Variants in STK35 observed in about 807,000 individuals in gnomAD.
The protein encoded by STK35 is serine/threonine kinase 35.
Under a neutral mutation model 37.3 loss-of-function variants are expected in STK35, and 17 were observed. The ratio of observed to expected loss-of-function variants is 0.46; its 90% confidence interval spans 0.31 to 0.68. STK35 has a LOEUF of 0.68. Ranked by LOEUF, STK35 falls within the 30% of genes least tolerant of loss-of-function variation. The pLI is 0.05. For missense variants in STK35, 595 were observed against 746.7 expected, an observed-to-expected ratio of 0.80 and a Z score of 2.37; for synonymous variants, 385 against 319.1, an observed-to-expected ratio of 1.21 and a Z score of -2.20.
chr20:2,111,001 T>C (rs1253505191), intron 2 of STK35, among the ~76,000 whole-genome samples: 1 of 152,256 alleles, frequency 6.6e-6, no homozygotes, highest in African/African-American at 2.4e-5. Flanking sequence ...TCTGAATAGA[T>C]AGCAGTTTCG....
intron 3 of STK35, among the ~76,000 whole-genome samples, chr20:2,125,210 A>G (rs1985884189): frequency 6.6e-6 from 1 of 151,898 alleles, no homozygotes; most frequent in Non-Finnish European, 1.5e-5. Context: ...GGTGCTTCCA[A>G]CTCCCATTTC....
chr20:2,120,153 C>T (rs1323965879), intron 3 of STK35, among the ~76,000 whole-genome samples: 1 of 152,184 alleles, frequency 6.6e-6, no homozygotes, highest in Admixed American at 6.5e-5. Context: ...CAGATTTGCT[C>T]TGGCATAGGA....
rs1985399412 is a variant in STK35 at position 2,102,058 on chromosome 20, G to C, written c.177G>C (p.Arg59=). ...AAEGSATRRA[R]AATSRAARSR... The stretch of plus-strand genomic sequence containing the variant: ...AAGGATCCGCTACACGCCGGGCTCG[G>C]GCCGCCACCTCCCGCGCTGCTCGGT... Residue 59 remains arginine (R), a synonymous_variant, in exon 1 of 4, where the codon CGG becomes CGC. Coordinates refer to ENST00000381482, the MANE Select transcript of STK35 (RefSeq NM_080836.4). The C allele has an allele frequency of 1.1e-5, 17 of 1,522,828 alleles. No individual in the cohort carries two copies. Among genetic ancestry groups the C allele is most frequent in the Non-Finnish European group, 1.5e-5 (17 of 1,140,002 alleles). The allele number at this position is 1,522,828 out of a possible 1,614,324, so 94.3% of individuals were successfully genotyped here. A position where few individuals can be genotyped will look rare whatever the true frequency, so the allele number is the denominator to read the frequency against.
At position 2,117,065 on chromosome 20, in the gene STK35, A is replaced by G. The variant is rs1231612538; in HGVS notation, c.1292A>G (p.Tyr431Cys). The stretch of plus-strand genomic sequence containing the variant: ...GCTCCTGAAGTCTGGGAGGGACACT[A>G]CACAGCCAAGGCGGACATCTTTGCC... ...YMAPEVWEGH[Y>C]TAKADIFALG... Residue 431 changes from tyrosine (Y) to cysteine (C), a missense_variant, in exon 3 of 4, where the codon TAC (tyrosine) becomes TGC (cysteine). By Grantham distance (194) the Tyr-to-Cys change is radical (BLOSUM62 -2). This residue lies in a region of STK35 where 109 missense variants were observed against 280.3 expected (regional missense o/e 0.39). Transcript: ENST00000381482. The surrounding 1 kb of genome is among the most constrained non-coding windows in gnomAD (Gnocchi z 4.4). 1 of 1,614,038 alleles carries G rather than the reference A, an allele frequency of 6.2e-7. No individual in the cohort carries two copies. Among genetic ancestry groups the G allele is most frequent in the Non-Finnish European group, 8.5e-7 (1 of 1,180,012 alleles).
Position 2,103,226 on chromosome 20 carries a change from C to T in STK35, c.753C>T (p.Leu251=), listed in dbSNP as rs950596709. The T allele has an allele frequency of 1.9e-6, 3 of 1,612,682 alleles. No individual in the cohort carries two copies. Among genetic ancestry groups the T allele is most frequent in the Admixed American group, 1.7e-5 (1 of 59,974 alleles). The change falls in exon 2 of 4, where the codon CTC becomes CTT. Residue 251 remains leucine, a synonymous_variant. Transcript: ENST00000381482. ...VELALAEFWA[L]TSLKRRHQNV... ...TGGCGCTGGCTGAATTCTGGGCCCTCACCAGCCTCAAGCGGCGCCACCAGA... is the reference window on the plus strand; with the variant it reads ...TGGCGCTGGCTGAATTCTGGGCCCTTACCAGCCTCAAGCGGCGCCACCAGA...
rs1433421087 is a variant in STK35, at chr20:2,145,007, T to G, written c.*1261T>G. The G allele has an allele frequency of 6.6e-6, 1 of 152,350 alleles. No individual in the cohort carries two copies. The allele number at this position is 152,350 out of a possible 1,614,324, so 9.4% of individuals were successfully genotyped here. On this transcript the variant is annotated 3_prime_UTR_variant, in exon 4 of 4. Transcript: ENST00000381482. Reference sequence around the variant, plus strand: ...CCAGAGCAGGGAGGTGTCGTGGAACTGGGTAGACCCCCTGCAGCGTTAGGG... The same window carrying G: ...CCAGAGCAGGGAGGTGTCGTGGAACGGGGTAGACCCCCTGCAGCGTTAGGG...
In STK35 at chr20:2,117,469, T is replaced by G; in HGVS notation, c.*37+54T>G. On this transcript the variant is annotated intron_variant, in intron 3 of 3. Transcript: ENST00000381482. The surrounding 1 kb of genome is among the most constrained non-coding windows in gnomAD (Gnocchi z 4.4). ...TTTTTGTTTTGAGACAGGGTCTCACTCTGTTGGTCAGGCTGGGGTGCAGCG... is the reference window on the plus strand; with the variant it reads ...TTTTTGTTTTGAGACAGGGTCTCACGCTGTTGGTCAGGCTGGGGTGCAGCG... 1 of 1,054,876 alleles carries G rather than the reference T, an allele frequency of 9.5e-7. No individual in the cohort carries two copies. The highest frequency in any genetic ancestry group is 1.4e-6 in the Non-Finnish European group (1 of 734,134). 65.3% of individuals were successfully genotyped at this position (1,054,876 alleles called of 1,614,324 possible).
chr20:2,103,839 C>T (rs1328110054), intron 2 of STK35, among the ~76,000 whole-genome samples: 4 of 152,148 alleles, frequency 2.6e-5, no homozygotes, highest in Admixed American at 2.0e-4. Flanking sequence ...CTGACACCCT[C>T]CAGCTCCAAC....
intron 3 of STK35, among the ~76,000 whole-genome samples, chr20:2,141,369 A>G (rs1986169664): frequency 6.6e-6 from 1 of 151,996 alleles, no homozygotes; most frequent in African/African-American, 2.4e-5. Context: ...GAAATCCTGT[A>G]TTTTCTTTCC....
At position 2,102,081 on chromosome 20, in the gene STK35, G is replaced by C; in HGVS notation, c.200G>C (p.Arg67Pro). 1.3e-6 allele frequency: 2 copies of C among 1,504,324 alleles called. No homozygotes were observed. Among genetic ancestry groups the C allele is most frequent in the Non-Finnish European group, 1.8e-6 (2 of 1,127,890 alleles). 93.2% of individuals were successfully genotyped at this position (1,504,324 alleles called of 1,614,324 possible). A position where few individuals can be genotyped will look rare whatever the true frequency, so the allele number is the denominator to read the frequency against. The stretch of plus-strand genomic sequence containing the variant: ...CGGGCCGCCACCTCCCGCGCTGCTC[G>C]GTCCCGGAGGCAGCCCGGGCCCGGA... ...RARAATSRAA[R>P]SRRQPGPGAD... Residue 67 changes from arginine (R) to proline (P), a missense_variant, in exon 1 of 4, where the codon CGG (arginine) becomes CCG (proline). By Grantham distance (103) the Arg-to-Pro change is moderately radical. This residue lies in a region of STK35 where 389 missense variants were observed against 320.0 expected (regional missense o/e 1.22). Transcript: ENST00000381482.
chr20:2,102,240 G>T (rs1033566814), intron 1 of STK35, 65 bp downstream of exon 1: 3 of 1,383,448 alleles, frequency 2.2e-6, no homozygotes, highest in South Asian at 3.2e-5. Flanking sequence ...CTGCCTCCGC[G>T]CTTGGGAAGG....
chr20:2,111,509 C>G (rs1449712684), intron 2 of STK35, among the ~76,000 whole-genome samples: 2 of 152,054 alleles, frequency 1.3e-5, no homozygotes, highest in Non-Finnish European at 2.9e-5. Context: ...CCAGCCCGGG[C>G]AACATAAGGA....
intron 3 of STK35, among the ~76,000 whole-genome samples, chr20:2,142,493 C>A (rs920925481): frequency 1.3e-5 from 2 of 152,144 alleles, no homozygotes; most frequent in Non-Finnish European, 2.9e-5. Context: ...TTTGGTCATT[C>A]GGGCACTTTA....
In STK35 at chr20:2,101,860, C is replaced by T. The variant is rs893294963; in HGVS notation, c.-22C>T. 4.3e-6 allele frequency: 6 copies of T among 1,406,860 alleles called. No homozygotes were observed. In the Admixed American group the frequency reaches 1.6e-4, roughly 38 times the overall value. The allele number at this position is 1,406,860 out of a possible 1,614,324, so 87.1% of individuals were successfully genotyped here. A position where few individuals can be genotyped will look rare whatever the true frequency, so the allele number is the denominator to read the frequency against. On this transcript the variant is annotated 5_prime_UTR_variant, in exon 1 of 4. Coordinates refer to ENST00000381482, the MANE Select transcript of STK35 (RefSeq NM_080836.4). ...TTGCAGGACCGGGCGGTGCAGGGCT[C>T]ACTCGGCTGGCGTCCCGGGGGATGG...
At chr20:2,109,655 G>A (rs1351957975) in intron 2 of STK35, among the ~76,000 whole-genome samples, 1 of 152,244 alleles carries the variant, frequency 6.6e-6, no homozygotes, top group Non-Finnish European at 1.5e-5. Flanking sequence ...ACAGCTGCCA[G>A]TGGTGTCCAG....
In STK35 at chr20:2,101,895, A is replaced by G; in HGVS notation, c.14A>G (p.Glu5Gly). 1.4e-6 allele frequency: 2 copies of G among 1,445,236 alleles called. No homozygotes were observed. Among genetic ancestry groups the G allele is most frequent in the Non-Finnish European group, 1.8e-6 (2 of 1,094,798 alleles). The allele number at this position is 1,445,236 out of a possible 1,614,324, so 89.5% of individuals were successfully genotyped here. MGHQ[E>G]SPLARAPAGG... is the part of the protein sequence containing the mutation. ...GCGTCCCGGGGGATGGGCCACCAGG[A>G]GTCTCCGCTGGCCCGGGCGCCGGCG... The change falls in exon 1 of 4, where the codon GAG (glutamate) becomes GGG (glycine). Residue 5 changes from glutamate to glycine, a missense_variant. Coordinates refer to ENST00000381482, the MANE Select transcript of STK35 (RefSeq NM_080836.4).
chr20:2,133,301 C>T (rs1421249874), intron 3 of STK35, among the ~76,000 whole-genome samples: 15 of 152,196 alleles, frequency 9.9e-5, no homozygotes, highest in Non-Finnish European at 1.5e-5. Flanking sequence ...CCCCTGAGGA[C>T]CTCAGCCTTT....
intron 3 of STK35, among the ~76,000 whole-genome samples, chr20:2,129,828 G>A (rs749611067): frequency 2.6e-5 from 4 of 152,040 alleles, no homozygotes; most frequent in Admixed American, 6.5e-5. Context: ...GGAGGGAGCC[G>A]GCTGGAGTGC....
chr20:2,139,390 C>T (rs372744722), intron 3 of STK35, among the ~76,000 whole-genome samples: 7 of 152,308 alleles, frequency 4.6e-5, no homozygotes, highest in African/African-American at 1.7e-4. Flanking sequence ...TGCACAGGCA[C>T]GTAAGCCTTC....
Sources: allele counts gnomAD v4.1 joint callset (sites outside exome capture counted in the v4.1 genomes callset), GRCh38; gene constraint gnomAD v4.1.1; regional missense constraint gnomAD v4.1.1; non-coding constraint Gnocchi (gnomAD v3.1); transcripts MANE v1.5; gene names NCBI Gene and HGNC (gene_info 2026-07-23, HGNC 2026-07-21).